The following PSD3 variants were observed in gnomAD, a reference collection of about 807,000 sequenced individuals.
PSD3 encodes pleckstrin and Sec7 domain containing 3, also known as PH and SEC7 domain-containing protein 3.
In PSD3, 49 loss-of-function variants were observed where a neutral mutation model predicts 105.5. The observed-to-expected ratio is 0.46, with a 90% confidence interval of 0.37 to 0.59. The LOEUF (loss-of-function observed/expected upper bound fraction) is 0.59. PSD3 is among the 20% of genes least tolerant of loss of function. PSD3 has a pLI of 0.00. For synonymous variants in PSD3, 557 were observed against 457.8 expected, an observed-to-expected ratio of 1.22 and a Z score of -2.77; for missense variants, 1,561 against 1,263.8, an observed-to-expected ratio of 1.24 and a Z score of -3.57.
intron 1 of PSD3, among the ~76,000 whole-genome samples, chr8:19,038,201 A>G (rs932454264): frequency 6.6e-6 from 1 of 152,028 alleles, no homozygotes; most frequent in Non-Finnish European, 1.5e-5. Flanking sequence ...CTATGAACTG[A>G]TCTAACAAGG....
At chr8:18,700,818 G>A (rs1801534490) in intron 9 of PSD3, among the ~76,000 whole-genome samples, 1 of 152,122 alleles carries the variant, frequency 6.6e-6, no homozygotes, top group Admixed American at 6.5e-5. Context: ...CAACATTTGA[G>A]TGAACCTGAC....
intron 6 of PSD3, chr8:18,803,292 A>C (rs1256984214): frequency 6.2e-6 from 1 of 162,428 alleles, no homozygotes; most frequent in Admixed American, 6.4e-5. Context: ...GTCTCCAAAA[A>C]AAAAAAAAAA....
chr8:18,593,904 C>G (rs1312137316), intron 12 of PSD3, among the ~76,000 whole-genome samples: 1 of 130,288 alleles, frequency 7.7e-6, no homozygotes, highest in East Asian at 2.2e-4. Flanking sequence ...TGCTCTCAGT[C>G]ATAGGTGGGA....
At chr8:18,971,688 G>C (rs948982696) in intron 1 of PSD3, among the ~76,000 whole-genome samples, 12 of 152,074 alleles carry the variant, frequency 7.9e-5, no homozygotes, top group Non-Finnish European at 1.2e-4. Flanking sequence ...AATAGGATTC[G>C]GAGGGTCCCT....
At chr8:18,727,790 C>T (rs937576473) in intron 9 of PSD3, among the ~76,000 whole-genome samples, 4 of 152,144 alleles carry the variant, frequency 2.6e-5, no homozygotes, top group Admixed American at 1.3e-4. Flanking sequence ...CCCACCTACT[C>T]TCCCAAGTAA....
At chr8:18,930,122 G>A (rs963433151) in intron 2 of PSD3, among the ~76,000 whole-genome samples, 5 of 152,126 alleles carry the variant, frequency 3.3e-5, no homozygotes, top group South Asian at 2.1e-4. Context: ...GGAAAGACAT[G>A]ACTGAAAGGG....
At chr8:19,032,088 A>C (rs1563520082) in intron 1 of PSD3, among the ~76,000 whole-genome samples, 1 of 152,172 alleles carries the variant, frequency 6.6e-6, no homozygotes, top group Non-Finnish European at 1.5e-5. Flanking sequence ...GGACCAACAC[A>C]GGATGCTAAT....
intron 9 of PSD3, among the ~76,000 whole-genome samples, chr8:18,695,153 C>A (rs1341541034): frequency 6.6e-6 from 1 of 152,110 alleles, no homozygotes; most frequent in Non-Finnish European, 1.5e-5. Context: ...AGCTTCCTTG[C>A]AAAGAACAGC....
At chr8:18,977,232 C>A (rs1312961610) in intron 1 of PSD3, among the ~76,000 whole-genome samples, 1 of 144,188 alleles carries the variant, frequency 6.9e-6, no homozygotes, top group African/African-American at 2.6e-5. Context: ...TGCACTCTAG[C>A]CTGGGCAACA....
At chr8:18,644,397 C>T (rs1195896078) in intron 10 of PSD3, among the ~76,000 whole-genome samples, 1 of 152,192 alleles carries the variant, frequency 6.6e-6, no homozygotes, top group Admixed American at 6.5e-5. Context: ...GCTCCTTGCT[C>T]ATAAATTCTG....
At chr8:18,695,858 C>G (rs7841198) in intron 9 of PSD3, among the ~76,000 whole-genome samples, 137,281 of 152,160 alleles carry the variant, frequency 0.9, 62,444 homozygotes, top group Middle Eastern at 0.96. Context: ...GAGTATGAAA[C>G]AAGTCAAATG....
chr8:18,714,854 A>G (rs1426473778), intron 9 of PSD3, among the ~76,000 whole-genome samples: 1 of 152,250 alleles, frequency 6.6e-6, no homozygotes, highest in Non-Finnish European at 1.5e-5. Context: ...AGTGCTATTC[A>G]CAATATCAAA....
intron 2 of PSD3, among the ~76,000 whole-genome samples, chr8:18,913,020 T>G (rs1444804196): frequency 6.6e-6 from 1 of 151,254 alleles, no homozygotes; most frequent in Non-Finnish European, 1.5e-5. Flanking sequence ...TTTCAATAAT[T>G]GTGTGATCAT....
At chr8:18,689,034 C>T (rs983962379) in intron 9 of PSD3, among the ~76,000 whole-genome samples, 7 of 152,232 alleles carry the variant, frequency 4.6e-5, no homozygotes, top group African/African-American at 1.7e-4. Context: ...GATGCTTTCT[C>T]TAAGGACACC....
In PSD3 at chr8:18,766,389, G is replaced by A. The variant is rs1807004678; in HGVS notation, c.2083-851C>T. Among the ~76,000 whole-genome samples, 3 of 151,928 alleles carry A rather than the reference G, an allele frequency of 2.0e-5. No homozygotes were observed. In the South Asian group the frequency reaches 6.2e-4, roughly 32 times the overall value. On this transcript the variant is annotated intron_variant, in intron 8 of 15. Transcript: ENST00000327040. ...ATATACACATACATACAATTTTACTGCACTAAAAACATGGTTTATTATGCT... is the reference window on the plus strand; with the variant it reads ...ATATACACATACATACAATTTTACTACACTAAAAACATGGTTTATTATGCT...
At chr8:18,898,400 T>C (rs921903267) in intron 2 of PSD3, among the ~76,000 whole-genome samples, 2 of 152,210 alleles carry the variant, frequency 1.3e-5, no homozygotes, top group Non-Finnish European at 2.9e-5. Flanking sequence ...GTCTGTTTTA[T>C]CTGATATAGG....
intron 9 of PSD3, among the ~76,000 whole-genome samples, chr8:18,663,024 C>T (rs1310632879): frequency 6.6e-6 from 1 of 152,138 alleles, no homozygotes; most frequent in African/African-American, 2.4e-5. Flanking sequence ...CAGTTTGAAC[C>T]ACCATTTCTT....
At chr8:18,554,202 T>G (rs1413710942) in intron 15 of PSD3, among the ~76,000 whole-genome samples, 1 of 152,106 alleles carries the variant, frequency 6.6e-6, no homozygotes, top group Non-Finnish European at 1.5e-5. Flanking sequence ...AGGTGCTGAG[T>G]GCTGGAAGCA....
At chr8:19,016,331 T>C (rs1014729938), upstream of PSD3, among the ~76,000 whole-genome samples, 1 of 152,156 alleles carries the variant, frequency 6.6e-6, no homozygotes, top group Non-Finnish European at 1.5e-5. Context: ...GTGGAGAGAC[T>C]ATATAGTAGG....
Sources: gnomAD v4.1 joint callset for allele counts (sites outside exome capture counted in the v4.1 genomes callset) on GRCh38, gnomAD v4.1.1 for gene constraint, MANE v1.5 for transcripts, NCBI Gene and HGNC (gene_info 2026-07-23, HGNC 2026-07-21) for gene names.